The following CEP83 variants were observed in gnomAD, a reference collection of about 807,000 sequenced individuals.
CEP83 encodes centrosomal protein of 83 kDa.
In CEP83, 70 loss-of-function variants were observed where a neutral mutation model predicts 101.9. The ratio of observed to expected loss-of-function variants is 0.69; its 90% CI spans 0.57 to 0.84. The LOEUF is 0.84. CEP83 is among the 40% of genes least tolerant of loss of function. The pLI, the probability that CEP83 is intolerant of heterozygous loss-of-function variation, is 0.00. For synonymous variants in CEP83, 264 were observed against 267.9 expected, an observed-to-expected ratio of 0.99 and a Z score of 0.14; for missense variants, 715 against 787.2, an observed-to-expected ratio of 0.91 and a Z score of 1.10.
At position 94,331,737 on chromosome 12, in the gene CEP83, T is replaced by C; in HGVS notation, c.1670A>G (p.Lys557Arg). The change falls in exon 14 of 17, where the codon AAG (lysine) becomes AGG (arginine). Residue 557 changes from lysine (K) to arginine (R), a missense_variant. Coordinates refer to ENST00000397809, the MANE Select transcript of CEP83 (RefSeq NM_016122.3). Reference sequence around the variant, plus strand: ...AATTGCAGCTCGCTGCAGTTTCTCCTTAGCTTGATTGTACTTTTCTTCTCT... The same window carrying C: ...AATTGCAGCTCGCTGCAGTTTCTCCCTAGCTTGATTGTACTTTTCTTCTCT... ...TDREEKYNQA[K>R]EKLQRAAIAQ... 6.2e-7 allele frequency: 1 copy of C among 1,614,106 alleles called. No individual in the cohort carries two copies.
intron 11 of CEP83, among the ~76,000 whole-genome samples, chr12:94,362,191 A>G: frequency 6.6e-6 from 1 of 152,234 alleles, no homozygotes; most frequent in East Asian, 1.9e-4. Flanking sequence ...ATTTCATCTC[A>G]CCAGCTAGAA....
chr12:94,301,518 A>T (rs542461901), downstream of CEP83, among the ~76,000 whole-genome samples: 1 of 152,322 alleles, frequency 6.6e-6, no homozygotes, highest in South Asian at 2.1e-4. Context: ...AAGCATGAGT[A>T]CTGTTTTCCT....
At chr12:94,342,689 C>T (rs1429767170) in intron 11 of CEP83, among the ~76,000 whole-genome samples, 1 of 151,420 alleles carries the variant, frequency 6.6e-6, no homozygotes, top group Non-Finnish European at 1.5e-5. Flanking sequence ...AAAAGCAAAA[C>T]GATTCAGAAA....
At chr12:94,440,811 T>C (rs746627147) in intron 1 of CEP83, among the ~76,000 whole-genome samples, 1 of 152,114 alleles carries the variant, frequency 6.6e-6, no homozygotes, top group South Asian at 2.1e-4. Flanking sequence ...CAAAACAGCA[T>C]GGTACTGGCA....
At chr12:94,277,596 G>T in the CEP83 span, among the ~76,000 whole-genome samples, 3 of 152,174 alleles carry the variant, frequency 2.0e-5, no homozygotes, top group Admixed American at 2.0e-4. Context: ...CAGCTGGCTT[G>T]CGGTGGACTG....
intron 6 of CEP83, among the ~76,000 whole-genome samples, chr12:94,380,654 T>C (rs2061797986): frequency 6.6e-6 from 1 of 152,188 alleles, no homozygotes; most frequent in Non-Finnish European, 1.5e-5. Flanking sequence ...GTGTGATGGC[T>C]CATCTAAGGT....
chr12:94,343,400 C>G (rs950303513), intron 11 of CEP83, among the ~76,000 whole-genome samples: 2 of 149,570 alleles, frequency 1.3e-5, no homozygotes, highest in Non-Finnish European at 3.0e-5. Flanking sequence ...AAAGAAACAT[C>G]AGAGTGTTCC....
At chr12:94,355,398 C>G (rs556785676) in intron 11 of CEP83, among the ~76,000 whole-genome samples, 1 of 152,042 alleles carries the variant, frequency 6.6e-6, no homozygotes, top group Admixed American at 6.5e-5. Flanking sequence ...GAGGCTGAGG[C>G]GGGAGAATGG....
At chr12:94,432,661 C>G (rs2138214614) in intron 2 of CEP83, among the ~76,000 whole-genome samples, 1 of 152,230 alleles carries the variant, frequency 6.6e-6, no homozygotes, top group South Asian at 2.1e-4. Flanking sequence ...ATAGACAATA[C>G]AAGTTCTAAT....
rs1270425297 is a variant in CEP83 at position 94,343,506 on chromosome 12, G to A, written c.1344-7842C>T. 1.9e-4 allele frequency among the ~76,000 whole-genome samples: 19 copies of A among 99,482 alleles called. No homozygotes were observed. In the East Asian group the frequency reaches 3.1e-3, roughly 16 times the overall value. The allele number at this position is 99,482 out of a possible 152,430, so 65.3% of individuals were successfully genotyped here. On this transcript the variant is annotated intron_variant, in intron 11 of 16. Coordinates refer to ENST00000397809, the MANE Select transcript of CEP83 (RefSeq NM_016122.3). ...TTTTTTTTTTTTTTTTTTTTGAGACGGAGTCTCGCTCTGTCGCCCAGGCCG... is the reference window on the plus strand; with the variant it reads ...TTTTTTTTTTTTTTTTTTTTGAGACAGAGTCTCGCTCTGTCGCCCAGGCCG...
chr12:94,440,710 A>G (rs1247256759), intron 1 of CEP83, among the ~76,000 whole-genome samples: 2 of 152,118 alleles, frequency 1.3e-5, no homozygotes, highest in African/African-American at 4.8e-5. Context: ...TATGAAACCA[A>G]AAAAGGGCCT....
At position 94,426,658 on chromosome 12, in the gene CEP83, T is replaced by C. The variant is rs77933094; in HGVS notation, c.-102+8617A>G. Among the ~76,000 whole-genome samples, 1,036 of 152,262 alleles carry C rather than the reference T, an allele frequency of 6.8e-3. 8 individuals are homozygous for C. Among genetic ancestry groups the C allele is most frequent in the Middle Eastern group, 0.014 (4 of 294 alleles). ...TCCTAATCTCTGGATGCTATGAATA[T>C]TACCTTATATACTTTTAAAAAAAGG... On this transcript the variant is annotated intron_variant, in intron 2 of 16. Transcript: ENST00000397809.
chr12:94,293,289 T>C, the CEP83 span, among the ~76,000 whole-genome samples: 2 of 152,354 alleles, frequency 1.3e-5, no homozygotes, highest in South Asian at 4.1e-4. Context: ...CCTATCAGGA[T>C]TTATACTTAT....
chr12:94,334,125 G>A (rs1472627087), intron 12 of CEP83, among the ~76,000 whole-genome samples: 1 of 152,102 alleles, frequency 6.6e-6, no homozygotes, highest in Non-Finnish European at 1.5e-5. Context: ...TACTCTCCGA[G>A]CAATCAAAAT....
At chr12:94,266,857 T>C in the CEP83 span, among the ~76,000 whole-genome samples, 2 of 152,252 alleles carry the variant, frequency 1.3e-5, no homozygotes, top group Admixed American at 6.5e-5. Context: ...CCAGATCTCA[T>C]TGAACCCTTG....
downstream of CEP83, among the ~76,000 whole-genome samples, chr12:94,303,112 T>C (rs1968634181): frequency 6.6e-6 from 1 of 152,208 alleles, no homozygotes; most frequent in South Asian, 2.1e-4. Flanking sequence ...AATAAAATCA[T>C]ATTTAATTTT....
At chr12:94,271,139 C>T in the CEP83 span, among the ~76,000 whole-genome samples, 2 of 152,118 alleles carry the variant, frequency 1.3e-5, no homozygotes, top group South Asian at 2.1e-4. Context: ...GACTTTCATT[C>T]GGCCCTGAAA....
intron 14 of CEP83, among the ~76,000 whole-genome samples, chr12:94,321,588 G>A (rs559213738): frequency 2.0e-5 from 3 of 152,274 alleles, no homozygotes; most frequent in Admixed American, 6.5e-5. Context: ...GGGTGACCCT[G>A]CCCAGGGAGG....
chr12:94,446,283 A>C lies in CEP83; in HGVS notation c.-154-10956T>G, dbSNP rs779843707. Among the ~76,000 whole-genome samples, 8 of 152,294 alleles carry C rather than the reference A, an allele frequency of 5.3e-5. No homozygotes were observed. The Middle Eastern group carries it at 0.017, about 324-fold the overall frequency. On this transcript the variant is annotated intron_variant, in intron 1 of 16. Coordinates refer to ENST00000397809, the MANE Select transcript of CEP83 (RefSeq NM_016122.3). ...GGAAGTGTCTTGGGTCTTTATTTAG[A>C]AGTTTGATGATGTTTTTTGACCAGA...
Sources: allele counts gnomAD v4.1 joint callset (sites outside exome capture counted in the v4.1 genomes callset), GRCh38; gene constraint gnomAD v4.1.1; transcripts MANE v1.5; gene names NCBI Gene and HGNC (gene_info 2026-07-23, HGNC 2026-07-21).